Variants in WDR82 observed in about 807,000 individuals in gnomAD.
WDR82 encodes the protein WD repeat-containing protein 82.
A neutral mutation model predicts 36.1 loss-of-function variants in WDR82; 8 were observed. That is an observed-to-expected ratio of 0.22 (90% CI 0.13 to 0.40). The LOEUF is 0.40. Ranked by LOEUF, WDR82 falls within the 10% of genes least tolerant of loss-of-function variation. The pLI, the probability that WDR82 is intolerant of heterozygous loss-of-function variation, is 1.00. For synonymous variants in WDR82, 129 were observed against 137.8 expected (o/e 0.94, Z 0.45); for missense variants, 185 against 400.5 (o/e 0.46, Z 4.59).
intron 3 of WDR82, among the ~76,000 whole-genome samples, chr3:52,262,565 G>A (rs1700070779): frequency 1.3e-5 from 2 of 152,138 alleles, no homozygotes; most frequent in South Asian, 2.1e-4. Flanking sequence ...CCTGACTTGG[G>A]GTCTGTGAAT....
intron 1 of WDR82, among the ~76,000 whole-genome samples, chr3:52,271,113 G>A (rs1700149617): frequency 1.3e-5 from 2 of 152,140 alleles, no homozygotes; most frequent in African/African-American, 4.8e-5. Flanking sequence ...ACAATCATGT[G>A]CCATGTGATG....
intron 2 of WDR82, among the ~76,000 whole-genome samples, chr3:52,268,618 A>C (rs1007806713): frequency 2.0e-5 from 3 of 152,104 alleles, no homozygotes; most frequent in Non-Finnish European, 2.9e-5. Context: ...CTTTTCCAAA[A>C]TCATTAACTA....
chr3:52,273,443 AAGAC>A (rs1028822654), intron 1 of WDR82, among the ~76,000 whole-genome samples: 8 of 152,054 alleles, frequency 5.3e-5, no homozygotes, highest in South Asian at 2.1e-4. Context: ...AAAAAAAAAA[AAGAC>A]AGAACATGAA....
chr3:52,264,356 C>A (rs1490242713), intron 3 of WDR82, among the ~76,000 whole-genome samples: 1 of 152,004 alleles, frequency 6.6e-6, no homozygotes, highest in East Asian at 1.9e-4. Flanking sequence ...AAGAACAGAA[C>A]CGACATGGGA....
intron 2 of WDR82, among the ~76,000 whole-genome samples, chr3:52,270,010 T>C (rs1420826318): frequency 6.6e-6 from 1 of 152,214 alleles, no homozygotes; most frequent in African/African-American, 2.4e-5. Context: ...CCTTAAACTA[T>C]CATAGTTCAA....
rs1018369640 is a variant in WDR82, at chr3:52,254,920, G to T, written c.*2570C>A. 1 of 151,328 alleles carries T rather than the reference G, an allele frequency of 6.6e-6. No individual in the cohort carries two copies. The highest frequency in any genetic ancestry group is 1.5e-5 in the Non-Finnish European group (1 of 68,022). 9.4% of individuals were successfully genotyped at this position (151,328 alleles called of 1,614,324 possible). On this transcript the variant is annotated 3_prime_UTR_variant, in exon 9 of 9. Coordinates refer to ENST00000296490, the MANE Select transcript of WDR82 (RefSeq NM_025222.4). Reference sequence around the variant, plus strand: ...CAGCTTTGCAACCACAGGGCCCAACGATAGAGACTGTGAGGTGGCATTTTT... The same window carrying T: ...CAGCTTTGCAACCACAGGGCCCAACTATAGAGACTGTGAGGTGGCATTTTT...
chr3:52,278,426 G>C lies in WDR82; in HGVS notation c.-65C>G, dbSNP rs1385608161. 4.1e-6 allele frequency: 5 copies of C among 1,211,618 alleles called. No homozygotes were observed. The highest frequency in any genetic ancestry group is 5.1e-6 in the Non-Finnish European group (5 of 973,466). The allele number at this position is 1,211,618 out of a possible 1,614,324, so 75.1% of individuals were successfully genotyped here. A position where few individuals can be genotyped will look rare whatever the true frequency, so the allele number is the denominator to read the frequency against. On this transcript the variant is annotated 5_prime_UTR_variant, in exon 1 of 9. Coordinates refer to ENST00000296490, the MANE Select transcript of WDR82 (RefSeq NM_025222.4). ...GCGGGGCCCGGCGGCGAGCGGGCGGGCTGCCGAGGGGCCAACCCAGGCGGG... is the reference window on the plus strand; with the variant it reads ...GCGGGGCCCGGCGGCGAGCGGGCGGCCTGCCGAGGGGCCAACCCAGGCGGG...
At position 52,255,834 on chromosome 3, in the gene WDR82, C is replaced by T. The variant is rs1420427003; in HGVS notation, c.*1656G>A. ...CTGCTCTAAGAAGGCCATGAGCCAGCTGCAGCTCATCTCACTCAGCCTGGG... is the reference window on the plus strand; with the variant it reads ...CTGCTCTAAGAAGGCCATGAGCCAGTTGCAGCTCATCTCACTCAGCCTGGG... On this transcript the variant is annotated 3_prime_UTR_variant, in exon 9 of 9. Transcript: ENST00000296490. 6.6e-6 allele frequency: 1 copy of T among 152,232 alleles called. No homozygotes were observed. Among genetic ancestry groups the T allele is most frequent in the Non-Finnish European group, 1.5e-5 (1 of 68,078 alleles). The allele number at this position is 152,232 out of a possible 1,614,324, so 9.4% of individuals were successfully genotyped here.
chr3:52,266,543 T>C (rs1390420009), intron 3 of WDR82, among the ~76,000 whole-genome samples: 1 of 152,128 alleles, frequency 6.6e-6, no homozygotes, highest in African/African-American at 2.4e-5. Context: ...GTTCAAGCGA[T>C]TCTCCTGCCT....
chr3:52,270,174 C>T (rs1700140834), intron 2 of WDR82, among the ~76,000 whole-genome samples: 1 of 152,218 alleles, frequency 6.6e-6, no homozygotes, highest in Non-Finnish European at 1.5e-5. Context: ...GGCTGGAGTG[C>T]AATGGCGTGA....
intron 1 of WDR82, among the ~76,000 whole-genome samples, chr3:52,273,378 C>T (rs940392543): frequency 6.6e-6 from 1 of 151,846 alleles, no homozygotes; most frequent in African/African-American, 2.4e-5. Context: ...TTGCATTGAG[C>T]CAAGATCGCG....
chr3:52,274,383 C>T (rs1182995736), intron 1 of WDR82, among the ~76,000 whole-genome samples: 1 of 151,792 alleles, frequency 6.6e-6, no homozygotes, highest in African/African-American at 2.4e-5. Context: ...GCCTGGGCAA[C>T]CTGGTGAGAA....
rs57823393 is a variant in WDR82, at chr3:52,257,062, G to A, written c.*428C>T. 29,682 of 179,348 alleles carry A rather than the reference G, an allele frequency of 0.17. 3,173 individuals carry two copies. The highest frequency in any genetic ancestry group is 0.26 in the East Asian group (1,651 of 6,294). 11.1% of individuals were successfully genotyped at this position (179,348 alleles called of 1,614,324 possible). On this transcript the variant is annotated 3_prime_UTR_variant, in exon 9 of 9. Coordinates refer to ENST00000296490, the MANE Select transcript of WDR82 (RefSeq NM_025222.4). Reference sequence around the variant, plus strand: ...AACAAGACATGCAGGGTGAGGGCAAGCGGCTGAGCTGCCCAAGCATTTCAA... The same window carrying A: ...AACAAGACATGCAGGGTGAGGGCAAACGGCTGAGCTGCCCAAGCATTTCAA...
chr3:52,257,719 T>C (rs7615736), intron 8 of WDR82, among the ~76,000 whole-genome samples, 200 bp from the exon 9 acceptor site: 3,438 of 152,092 alleles, frequency 0.023, 136 homozygotes, highest in African/African-American at 0.077. Context: ...TCTGTTTTTC[T>C]CCAATAATCA....
intron 1 of WDR82, among the ~76,000 whole-genome samples, chr3:52,272,136 C>T (rs1263191455): frequency 6.6e-6 from 1 of 152,164 alleles, no homozygotes; most frequent in Non-Finnish European, 1.5e-5. Context: ...GGTTATCAAT[C>T]TCCATTTGTT....
rs777860236 is a variant in WDR82 at position 52,266,998 on chromosome 3, A to G, written c.280T>C (p.Leu94=). 6.2e-7 allele frequency: 1 copy of G among 1,610,840 alleles called. No individual in the cohort carries two copies. The highest frequency in any genetic ancestry group is 1.7e-5 in the Admixed American group (1 of 59,902). ...KIDDTIRYLS[L]HDNKYIRYFP... ...TATCTGATGTATTTGTTGTCATGCA[A>G]GGACAAGTAACGAATAGTATCTGTA... The change falls in exon 3 of 9, where the codon TTG becomes CTG. Residue 94 remains leucine, a synonymous_variant. Transcript: ENST00000296490.
In WDR82 at chr3:52,278,273, C is replaced by A; in HGVS notation, c.89G>T (p.Ser30Ile). 1 of 1,611,670 alleles carries A rather than the reference C, an allele frequency of 6.2e-7. No homozygotes were observed. The highest frequency in any genetic ancestry group is 2.3e-5 in the East Asian group (1 of 44,322). ...CGAGATGACCGTCTCGCCGTTGGGGCTGAAATCGAAGCAGTTAATCTTGTC... is the reference window on the plus strand; with the variant it reads ...CGAGATGACCGTCTCGCCGTTGGGGATGAAATCGAAGCAGTTAATCTTGTC... ...NSDKINCFDF[S>I]PNGETVISSS... The change falls in exon 1 of 9, where the codon AGC becomes ATC. Residue 30 changes from serine (S) to isoleucine (I), a missense_variant. This residue lies in a region of WDR82 where 49 missense variants were observed against 80.6 expected (regional missense o/e 0.61). Coordinates refer to ENST00000296490, the MANE Select transcript of WDR82 (RefSeq NM_025222.4).
At chr3:52,268,443 G>A (rs886600249) in intron 2 of WDR82, 1 of 422,546 alleles carries the variant, frequency 2.4e-6, no homozygotes, top group African/African-American at 2.0e-5. Flanking sequence ...CCTCACAGCA[G>A]AGGCTTGGCA....
chr3:52,272,978 C>T (rs1167543016), intron 1 of WDR82, among the ~76,000 whole-genome samples: 1 of 152,240 alleles, frequency 6.6e-6, no homozygotes, highest in Non-Finnish European at 1.5e-5. Flanking sequence ...GCAAAGGCTA[C>T]TTTGCCAAGT....
Sources: allele counts gnomAD v4.1 joint callset (sites outside exome capture counted in the v4.1 genomes callset), GRCh38; gene constraint gnomAD v4.1.1; regional missense constraint gnomAD v4.1.1; transcripts MANE v1.5; gene names NCBI Gene and HGNC (gene_info 2026-07-23, HGNC 2026-07-21).